SDK1: variants seen among roughly 807,000 people sequenced by gnomAD.
SDK1 encodes the protein sidekick cell adhesion molecule 1, also known as protein sidekick-1.
SDK1 carries 157 observed loss-of-function variants against 245.5 expected under a neutral mutation model. That is an observed-to-expected ratio of 0.64 (90% CI 0.56 to 0.73). The LOEUF (loss-of-function observed/expected upper bound fraction) is 0.73. SDK1 is among the 30% of genes least tolerant of loss of function. The pLI is 0.00. For missense variants in SDK1, 3,583 were observed against 3,002.3 expected (o/e 1.19, Z -4.52); for synonymous variants, 1,647 against 1,278.5 (o/e 1.29, Z -6.15).
intron 1 of SDK1, among the ~76,000 whole-genome samples, chr7:3,343,539 A>G (rs950505613): frequency 2.0e-5 from 3 of 152,150 alleles, no homozygotes; most frequent in African/African-American, 2.4e-5. Context: ...AAAGAGTGAC[A>G]TGTGGGATCC....
chr7:3,811,056 A>T (rs562231052), intron 4 of SDK1, among the ~76,000 whole-genome samples: 2 of 152,284 alleles, frequency 1.3e-5, no homozygotes, highest in African/African-American at 4.8e-5. Context: ...GATGACATTT[A>T]CTGTTTTCTT....
intron 4 of SDK1, among the ~76,000 whole-genome samples, chr7:3,646,979 T>C (rs6945360): frequency 0.037 from 5,688 of 152,230 alleles, 317 homozygotes; most frequent in African/African-American, 0.12. Context: ...TTATGTTTAA[T>C]GGGTACAGAG....
chr7:4,059,222 A>G (rs927476149), intron 19 of SDK1, among the ~76,000 whole-genome samples: 1 of 152,252 alleles, frequency 6.6e-6, no homozygotes, highest in Non-Finnish European at 1.5e-5. Context: ...TCACTTGTAA[A>G]GACACATGTA....
intron 35 of SDK1, among the ~76,000 whole-genome samples, chr7:4,197,808 G>A (rs1293377643): frequency 1.3e-5 from 2 of 152,208 alleles, no homozygotes; most frequent in Non-Finnish European, 2.9e-5. Context: ...AGATGTGGGA[G>A]GACTGTAAGA....
chr7:3,628,686 C>G (rs972968298), intron 2 of SDK1, among the ~76,000 whole-genome samples: 6 of 152,180 alleles, frequency 3.9e-5, no homozygotes, highest in African/African-American at 1.4e-4. Flanking sequence ...AACTGGCAAC[C>G]TGGGTCAAGA....
intron 1 of SDK1, among the ~76,000 whole-genome samples, chr7:3,553,247 A>G (rs775789176): frequency 1.6e-4 from 24 of 152,194 alleles, no homozygotes; most frequent in Non-Finnish European, 3.1e-4. Context: ...GTTCATAGCA[A>G]TCTAGGAGGC....
At chr7:3,950,869 G>A in intron 5 of SDK1, 54 bp from the exon 6 acceptor site, 1 of 1,379,844 alleles carries the variant, frequency 7.2e-7, no homozygotes, top group Non-Finnish European at 1.0e-6. Context: ...GATAACGGCG[G>A]GGGGTGCTCC....
At chr7:3,884,835 T>G (rs540897718) in intron 5 of SDK1, among the ~76,000 whole-genome samples, 1 of 152,346 alleles carries the variant, frequency 6.6e-6, no homozygotes, top group East Asian at 1.9e-4. Flanking sequence ...GAGTCATTAC[T>G]GAATTACAGA....
chr7:3,809,904 A>C (rs1009429219), intron 4 of SDK1, among the ~76,000 whole-genome samples: 1 of 152,180 alleles, frequency 6.6e-6, no homozygotes, highest in Non-Finnish European at 1.5e-5. Context: ...AGGCTTCCCC[A>C]ACTCAGCTCA....
At chr7:3,670,824 T>C (rs1164473617) in intron 4 of SDK1, among the ~76,000 whole-genome samples, 1 of 152,178 alleles carries the variant, frequency 6.6e-6, no homozygotes, top group African/African-American at 2.4e-5. Context: ...ATTTACTGTT[T>C]TTAGGTATCC....
At chr7:4,119,518 A>T (rs1460628084) in intron 25 of SDK1, among the ~76,000 whole-genome samples, 1 of 148,622 alleles carries the variant, frequency 6.7e-6, no homozygotes, top group East Asian at 1.9e-4. Context: ...AGGCCCAGAA[A>T]ATCTGTGTGT....
At chr7:3,319,813 G>A (rs971476845) in intron 1 of SDK1, among the ~76,000 whole-genome samples, 1 of 138,934 alleles carries the variant, frequency 7.2e-6, no homozygotes, top group Non-Finnish European at 1.5e-5. Flanking sequence ...TAGTTATACT[G>A]TTTCTACTTT....
chr7:4,032,081 C>T (rs1787865373), intron 17 of SDK1, among the ~76,000 whole-genome samples: 1 of 151,138 alleles, frequency 6.6e-6, no homozygotes, highest in African/African-American at 2.4e-5. Flanking sequence ...CGATCATGTC[C>T]TAGGCCACAG....
intron 35 of SDK1, among the ~76,000 whole-genome samples, chr7:4,204,931 G>A (rs903124775): frequency 7.9e-5 from 12 of 152,264 alleles, no homozygotes; most frequent in East Asian, 3.8e-4. Context: ...GAACGCAGGC[G>A]TGTGCTCCCA....
intron 2 of SDK1, among the ~76,000 whole-genome samples, chr7:3,628,792 C>T (rs1051048842): frequency 6.6e-6 from 1 of 152,090 alleles, no homozygotes; most frequent in African/African-American, 2.4e-5. Flanking sequence ...GGATATCAGG[C>T]AGTGAAAGAT....
intron 22 of SDK1, among the ~76,000 whole-genome samples, chr7:4,096,734 T>C (rs1202582203): frequency 1.3e-5 from 2 of 151,890 alleles, no homozygotes; most frequent in Non-Finnish European, 2.9e-5. Flanking sequence ...CAGGGCCCTG[T>C]CCTAGAAAAT....
Position 4,205,860 on chromosome 7 carries a change from C to G in SDK1, c.5099-19C>G. 3 of 1,540,608 alleles carry G rather than the reference C, an allele frequency of 1.9e-6. No individual in the cohort carries two copies. The highest frequency in any genetic ancestry group is 2.6e-6 in the Non-Finnish European group (3 of 1,137,304). On this transcript the variant is annotated intron_variant, in intron 35 of 44. Coordinates refer to ENST00000404826, the MANE Select transcript of SDK1 (RefSeq NM_152744.4). The stretch of plus-strand genomic sequence containing the variant: ...CTGAATGAACGTCTCAGCTTCTCTC[C>G]GCATTGCTCTTTCCTCAGCCCCGGC...
rs547139798 is a variant in SDK1 at position 3,646,145 on chromosome 7, C to T, written c.713+4040C>T. ...GTGCTGGGATTATAGGCGTGAGCCA[C>T]CACACCCAGCCTTTCTGCACCTATT... On this transcript the variant is annotated intron_variant, in intron 4 of 44. Transcript: ENST00000404826. Among the ~76,000 whole-genome samples the T allele has an allele frequency of 5.4e-4, 82 of 152,248 alleles. 1 individual carries two copies. Among genetic ancestry groups the T allele is most frequent in the Admixed American group, 2.9e-3 (45 of 15,306 alleles).
intron 4 of SDK1, among the ~76,000 whole-genome samples, chr7:3,684,701 T>C (rs1435464145): frequency 1.3e-5 from 2 of 152,164 alleles, no homozygotes; most frequent in Non-Finnish European, 2.9e-5. Context: ...TGGAAAATAT[T>C]TTAAAGCAGC....
Sources: allele counts gnomAD v4.1 joint callset (sites outside exome capture counted in the v4.1 genomes callset), GRCh38; gene constraint gnomAD v4.1.1; transcripts MANE v1.5; gene names NCBI Gene and HGNC (gene_info 2026-07-23, HGNC 2026-07-21).